The following GRIK1 variants were observed in gnomAD, a reference collection of about 807,000 sequenced individuals.
GRIK1 encodes glutamate ionotropic receptor kainate type subunit 1, also known as glutamate receptor ionotropic, kainate 1.
A neutral mutation model predicts 105.7 loss-of-function variants in GRIK1; 69 were observed. That is an observed-to-expected ratio of 0.65 (90% CI 0.54 to 0.80). GRIK1 has a LOEUF of 0.80. Among genes scored for constraint, GRIK1 ranks in the 30% least tolerant of loss-of-function variants. The pLI is 0.00. For synonymous variants in GRIK1, 438 were observed against 431.3 expected, an observed-to-expected ratio of 1.02 and a Z score of -0.19; for missense variants, 1,109 against 1,167.3, an observed-to-expected ratio of 0.95 and a Z score of 0.73.
Position 29,648,569 on chromosome 21 carries a change from CT to C in GRIK1, c.954+2548del, listed in dbSNP as rs202240808. Among the ~76,000 whole-genome samples the C allele has an allele frequency of 5.5e-3, 834 of 152,250 alleles. 3 individuals are homozygous for C. Among genetic ancestry groups the C allele is most frequent in the African/African-American group, 0.019 (792 of 41,544 alleles). ...ATATTTATTGACGGTGTACTTCGCA[CT>C]GGGCCTTTTCTAGTGCTGGGGAGAA... On this transcript the variant is annotated intron_variant, in intron 6 of 17. Coordinates refer to ENST00000327783, the MANE Select transcript of GRIK1 (RefSeq NM_001330994.2).
intron 4 of GRIK1, among the ~76,000 whole-genome samples, chr21:29,656,313 A>C (rs1050632792): frequency 5.2e-5 from 7 of 135,626 alleles, no homozygotes; most frequent in African/African-American, 1.9e-4. Context: ...GTGAGCCAAG[A>C]TCGCGCCACT....
chr21:29,725,529 AT>A (rs2064435424), intron 1 of GRIK1, among the ~76,000 whole-genome samples: 1 of 152,154 alleles, frequency 6.6e-6, no homozygotes, highest in African/African-American at 2.4e-5. Flanking sequence ...GCTGTTTGAA[AT>A]CCCACCCTCC....
chr21:29,792,849 T>C (rs969590712), intron 1 of GRIK1, among the ~76,000 whole-genome samples: 2 of 152,228 alleles, frequency 1.3e-5, no homozygotes, highest in Non-Finnish European at 2.9e-5. Flanking sequence ...TGTAAATGTA[T>C]AGCACGAAGA....
At chr21:29,668,051 T>TG (rs1362878831) in intron 4 of GRIK1, among the ~76,000 whole-genome samples, 6 of 152,138 alleles carry the variant, frequency 3.9e-5, no homozygotes, top group Admixed American at 2.0e-4. Context: ...AATATGACTT[T>TG]GGGGATGATT....
chr21:29,734,174 C>T (rs1435990092), intron 1 of GRIK1, among the ~76,000 whole-genome samples: 1 of 151,904 alleles, frequency 6.6e-6, no homozygotes, highest in East Asian at 1.9e-4. Context: ...AATAAAAATG[C>T]CCCACTTCCA....
intron 1 of GRIK1, among the ~76,000 whole-genome samples, chr21:29,875,472 C>T (rs2069159727): frequency 6.6e-6 from 1 of 152,114 alleles, no homozygotes; most frequent in African/African-American, 2.4e-5. Flanking sequence ...AAGCCCAATA[C>T]CTTTGCACTC....
intron 1 of GRIK1, among the ~76,000 whole-genome samples, chr21:29,895,985 C>T (rs1481883785): frequency 6.6e-6 from 1 of 152,192 alleles, no homozygotes; most frequent in Non-Finnish European, 1.5e-5. Context: ...CCTGAAATAA[C>T]CAAGGCACAT....
In GRIK1 at chr21:29,744,544, C is replaced by T. The variant is rs1416981873; in HGVS notation, c.119-50481G>A. Among the ~76,000 whole-genome samples the T allele has an allele frequency of 2.0e-5, 3 of 151,730 alleles. No individual in the cohort carries two copies. The East Asian group carries it at 5.8e-4, about 29-fold the overall frequency. On this transcript the variant is annotated intron_variant, in intron 1 of 17. Coordinates refer to ENST00000327783, the MANE Select transcript of GRIK1 (RefSeq NM_001330994.2). ...CTAGTTGTCAAGCTAGCTGGCACTA[C>T]TGCTCTCTCTCAGCTAGGTTTTTTT...
intron 16 of GRIK1, among the ~76,000 whole-genome samples, chr21:29,539,872 A>AC (rs1284861680): frequency 1.3e-5 from 2 of 152,212 alleles, no homozygotes; most frequent in Non-Finnish European, 2.9e-5. Flanking sequence ...TGAACTCAGT[A>AC]TATCTGGACT....
rs186586235 is a variant in GRIK1, at chr21:29,704,214, T to C, written c.119-10151A>G. 5.3e-5 allele frequency among the ~76,000 whole-genome samples: 8 copies of C among 152,312 alleles called. No homozygotes were observed. In the East Asian group the frequency reaches 1.5e-3, roughly 29 times the overall value. On this transcript the variant is annotated intron_variant, in intron 1 of 17. Transcript: ENST00000327783. ...AAATACAAAGATGAAAGATGCTTGG[T>C]TCCTGCCCTCAGCAGAGCTTCCAGT...
chr21:29,645,743 T>A (rs1294064879), intron 6 of GRIK1, among the ~76,000 whole-genome samples: 1 of 152,168 alleles, frequency 6.6e-6, no homozygotes, highest in Non-Finnish European at 1.5e-5. Flanking sequence ...AGGTAATAGG[T>A]AATGTAATAG....
At chr21:29,729,392 A>G (rs2064553697) in intron 1 of GRIK1, among the ~76,000 whole-genome samples, 1 of 152,142 alleles carries the variant, frequency 6.6e-6, no homozygotes, top group African/African-American at 2.4e-5. Context: ...TTCCCCCAAA[A>G]TCCACTGCTC....
At chr21:29,734,736 C>G (rs138710921) in intron 1 of GRIK1, among the ~76,000 whole-genome samples, 2,494 of 152,202 alleles carry the variant, frequency 0.016, 28 homozygotes, top group Middle Eastern at 0.044. Context: ...TCCTTTCTTA[C>G]TCAGAATTGA....
At chr21:29,654,010 C>G (rs1310684587) in intron 5 of GRIK1, among the ~76,000 whole-genome samples, 2 of 152,146 alleles carry the variant, frequency 1.3e-5, no homozygotes, top group Non-Finnish European at 2.9e-5. Context: ...GCTGAATTTG[C>G]TAAAATGGCA....
chr21:29,577,761 T>G (rs1462947155), intron 13 of GRIK1, among the ~76,000 whole-genome samples: 2 of 152,218 alleles, frequency 1.3e-5, no homozygotes, highest in Non-Finnish European at 2.9e-5. Flanking sequence ...AATTCTTTTT[T>G]CTACTGTAGA....
At chr21:29,849,954 T>TC (rs1555898702) in intron 1 of GRIK1, among the ~76,000 whole-genome samples, 2 of 152,154 alleles carry the variant, frequency 1.3e-5, no homozygotes, top group Non-Finnish European at 2.9e-5. Flanking sequence ...TTACTGGAGA[T>TC]ACTCTCTCTC....
At chr21:29,826,467 TC>T (rs1351557032) in intron 1 of GRIK1, among the ~76,000 whole-genome samples, 1 of 152,032 alleles carries the variant, frequency 6.6e-6, no homozygotes, top group Non-Finnish European at 1.5e-5. Flanking sequence ...CCTCTTGCAA[TC>T]CATTGAAGGC....
intron 1 of GRIK1, among the ~76,000 whole-genome samples, chr21:29,888,741 TAAC>T (rs1230201931): frequency 4.6e-5 from 7 of 152,192 alleles, no homozygotes; most frequent in Non-Finnish European, 8.8e-5. Flanking sequence ...TACACACTTG[TAAC>T]AACAATGAAG....
chr21:29,623,427 C>T (rs1469545266), intron 7 of GRIK1, among the ~76,000 whole-genome samples: 1 of 150,638 alleles, frequency 6.6e-6, no homozygotes, highest in Admixed American at 6.6e-5. Flanking sequence ...CCCTGCAAGA[C>T]AGGCTTTTGA....
Sources: gnomAD v4.1 joint callset for allele counts (sites outside exome capture counted in the v4.1 genomes callset) on GRCh38, gnomAD v4.1.1 for gene constraint, MANE v1.5 for transcripts, NCBI Gene and HGNC (gene_info 2026-07-23, HGNC 2026-07-21) for gene names.